Variants in SDCCAG8 observed in about 807,000 individuals in gnomAD.
SDCCAG8 encodes serologically defined colon cancer antigen 8.
Under a neutral mutation model 101.8 loss-of-function variants are expected in SDCCAG8, and 74 were observed. The ratio of observed to expected loss-of-function variants is 0.73; its 90% CI spans 0.60 to 0.88. SDCCAG8 has a LOEUF of 0.88. Ranked by LOEUF, SDCCAG8 falls within the 40% of genes least tolerant of loss-of-function variation. The probability of loss-of-function intolerance (pLI) is 0.00; values close to 1 mark genes in which losing one functional copy is unlikely to be tolerated. For missense variants in SDCCAG8, 787 were observed against 822.6 expected (o/e 0.96, Z 0.53); for synonymous variants, 281 against 292.9 (o/e 0.96, Z 0.41).
chr1:243,475,987 A>G (rs1662335944), intron 16 of SDCCAG8: 1 of 985,362 alleles, frequency 1.0e-6, no homozygotes, highest in Non-Finnish European at 1.2e-6. Flanking sequence ...CTAGAAACCA[A>G]ATGAGCCCTC....
chr1:243,480,377 T>TG (rs1262925273), intron 16 of SDCCAG8, among the ~76,000 whole-genome samples: 2 of 30,582 alleles, frequency 6.5e-5, no homozygotes, highest in Middle Eastern at 0.028. Context: ...GATGGATGGG[T>TG]GGATGGATGG....
At chr1:243,408,164 T>C (rs759220860) in intron 13 of SDCCAG8, among the ~76,000 whole-genome samples, 1 of 152,236 alleles carries the variant, frequency 6.6e-6, no homozygotes, top group Non-Finnish European at 1.5e-5. Flanking sequence ...CTTAGTACTT[T>C]CCGTCTTTTA....
chr1:243,366,167 A>T (rs575514259), intron 12 of SDCCAG8, among the ~76,000 whole-genome samples: 1 of 152,190 alleles, frequency 6.6e-6, no homozygotes, highest in East Asian at 1.9e-4. Flanking sequence ...TTCTTAAGGC[A>T]AAATCAGTTA....
In SDCCAG8 at chr1:243,296,024, C is replaced by G. The variant is rs78637513; in HGVS notation, c.675+2805C>G. The stretch of plus-strand genomic sequence containing the variant: ...TTTATTTATTTTTTTGAGACGGGAT[C>G]TAGCTCTGTCACCCAGGGTGGAGTG... On this transcript the variant is annotated intron_variant, in intron 6 of 17. Coordinates refer to ENST00000366541, the MANE Select transcript of SDCCAG8 (RefSeq NM_006642.5). Among the ~76,000 whole-genome samples, 78 of 152,202 alleles carry G rather than the reference C, an allele frequency of 5.1e-4. No individual in the cohort carries two copies. In the East Asian group the frequency reaches 0.014, roughly 28 times the overall value.
chr1:243,415,003 C>G (rs1229645429), intron 13 of SDCCAG8, among the ~76,000 whole-genome samples: 3 of 151,944 alleles, frequency 2.0e-5, no homozygotes, highest in Non-Finnish European at 4.4e-5. Context: ...GGTTATTGAC[C>G]CAGTGGGATA....
chr1:243,499,882 G>T lies in SDCCAG8; in HGVS notation c.*97G>T. ...GCCACAACGCACCACGACCTTCCCA[G>T]GGTGACACCGCCTCAGCCTGCAGTG... On this transcript the variant is annotated 3_prime_UTR_variant, in exon 18 of 18. Coordinates refer to ENST00000366541, the MANE Select transcript of SDCCAG8 (RefSeq NM_006642.5). 1 of 1,180,670 alleles carries T rather than the reference G, an allele frequency of 8.5e-7. No individual in the cohort carries two copies. The allele number at this position is 1,180,670 out of a possible 1,614,324, so 73.1% of individuals were successfully genotyped here. A position where few individuals can be genotyped will look rare whatever the true frequency, so the allele number is the denominator to read the frequency against.
chr1:243,430,545 C>T (rs1228132816), intron 16 of SDCCAG8, among the ~76,000 whole-genome samples: 3 of 151,982 alleles, frequency 2.0e-5, no homozygotes, highest in Non-Finnish European at 2.9e-5. Flanking sequence ...CCCAGGTCCA[C>T]GCAGTTCTCC....
intron 12 of SDCCAG8, among the ~76,000 whole-genome samples, chr1:243,348,747 C>T (rs959271003): frequency 6.7e-6 from 1 of 149,314 alleles, no homozygotes; most frequent in East Asian, 2.0e-4. Flanking sequence ...GCCGAGGTGG[C>T]GGATCACCTG....
At chr1:243,369,198 T>C (rs1429676254) in intron 12 of SDCCAG8, among the ~76,000 whole-genome samples, 1 of 152,134 alleles carries the variant, frequency 6.6e-6, no homozygotes, top group Non-Finnish European at 1.5e-5. Context: ...TTTACTTTCA[T>C]TGTTGGGATA....
At chr1:243,340,397 G>A (rs181261765) in intron 10 of SDCCAG8, among the ~76,000 whole-genome samples, 2 of 152,216 alleles carry the variant, frequency 1.3e-5, no homozygotes, top group Non-Finnish European at 2.9e-5. Flanking sequence ...AACCCTGAAC[G>A]TGGGAAGGGT....
chr1:243,401,772 A>G (rs572066273), intron 13 of SDCCAG8, among the ~76,000 whole-genome samples: 2 of 151,228 alleles, frequency 1.3e-5, no homozygotes, highest in South Asian at 2.1e-4. Context: ...TTGGTATACT[A>G]TGGTGACTAC....
chr1:243,476,226 G>C, intron 16 of SDCCAG8: 1 of 985,498 alleles, frequency 1.0e-6, no homozygotes, highest in African/African-American at 1.7e-5. Flanking sequence ...TTTGACAAGG[G>C]TCAGCGGGGA....
intron 11 of SDCCAG8, among the ~76,000 whole-genome samples, chr1:243,342,830 A>G (rs1047185431): frequency 1.3e-5 from 2 of 152,182 alleles, no homozygotes; most frequent in African/African-American, 4.8e-5. Context: ...AATTTTTAAT[A>G]ACTTCATTAT....
chr1:243,422,462 C>T (rs2081075861), intron 15 of SDCCAG8, among the ~76,000 whole-genome samples: 1 of 152,086 alleles, frequency 6.6e-6, no homozygotes, highest in South Asian at 2.1e-4. Context: ...TATTTTAACA[C>T]TATACTTTAT....
chr1:243,452,127 CACAG>C (rs2083401648), intron 16 of SDCCAG8, among the ~76,000 whole-genome samples: 1 of 152,152 alleles, frequency 6.6e-6, no homozygotes, highest in East Asian at 1.9e-4. Context: ...TGTGTGCACA[CACAG>C]ACAGACAGTA....
chr1:243,487,451 G>A (rs1665202725), intron 16 of SDCCAG8, among the ~76,000 whole-genome samples: 1 of 152,218 alleles, frequency 6.6e-6, no homozygotes, highest in Admixed American at 6.5e-5. Context: ...AAGATCAGAG[G>A]GAAGGATGAG....
intron 4 of SDCCAG8, among the ~76,000 whole-genome samples, chr1:243,285,574 A>G (rs1301678473): frequency 6.6e-6 from 1 of 152,194 alleles, no homozygotes; most frequent in Non-Finnish European, 1.5e-5. Context: ...TTGCACTAGT[A>G]GTGAATATTA....
chr1:243,338,242 C>T (rs1156425866), intron 10 of SDCCAG8, among the ~76,000 whole-genome samples: 1 of 152,126 alleles, frequency 6.6e-6, no homozygotes, highest in East Asian at 1.9e-4. Context: ...AGAGAGAATG[C>T]ATATCACACT....
chr1:243,432,612 T>A (rs2081866431), intron 16 of SDCCAG8, among the ~76,000 whole-genome samples: 1 of 152,236 alleles, frequency 6.6e-6, no homozygotes, highest in South Asian at 2.1e-4. Context: ...AAGCAAACAT[T>A]TCAAAACAAA....
Sources: gnomAD v4.1 joint callset for allele counts (sites outside exome capture counted in the v4.1 genomes callset) on GRCh38, gnomAD v4.1.1 for gene constraint, MANE v1.5 for transcripts, NCBI Gene and HGNC (gene_info 2026-07-23, HGNC 2026-07-21) for gene names.